The following CMYA5 variants were observed in gnomAD, a reference collection of about 807,000 sequenced individuals.
CMYA5 encodes the protein cardiomyopathy-associated protein 5.
Under a neutral mutation model 318.9 loss-of-function variants are expected in CMYA5, and 246 were observed. The ratio of observed to expected loss-of-function variants is 0.77; its 90% CI spans 0.70 to 0.86. CMYA5 has a LOEUF of 0.86. CMYA5 is among the 40% of genes least tolerant of loss of function. CMYA5 has a pLI of 0.00. For missense variants in CMYA5, 4,589 were observed against 4,678.2 expected (o/e 0.98, Z 0.56); for synonymous variants, 1,641 against 1,729.5 (o/e 0.95, Z 1.27).
At position 79,729,219 on chromosome 5, in the gene CMYA5, A is replaced by C; in HGVS notation, c.454A>C (p.Lys152Gln). 1 of 1,613,064 alleles carries C rather than the reference A, an allele frequency of 6.2e-7. No homozygotes were observed. Among genetic ancestry groups the C allele is most frequent in the African/African-American group, 1.3e-5 (1 of 74,976 alleles). ...ATCATTACGCCGGAAAGGCAACAGA[A>C]AAAGAAATTCTTTTGAATCCCAAGA... The part of the protein sequence containing the change: ...SPSLRRKGNR[K>Q]RNSFESQDVP... Residue 152 changes from lysine (K) to glutamine (Q), a missense_variant, in exon 2 of 13, where the codon AAA becomes CAA. By Grantham distance (53) the Lys-to-Gln change is moderately conservative. This residue lies in a region of CMYA5 where 2,132 missense variants were observed against 2,131.3 expected (regional missense o/e 1.00). Transcript: ENST00000446378.
At chr5:79,786,825 G>A (rs1829090676) in intron 9 of CMYA5, among the ~76,000 whole-genome samples, 1 of 152,092 alleles carries the variant, frequency 6.6e-6, no homozygotes, top group Non-Finnish European at 1.5e-5. Flanking sequence ...GCATAAGGTG[G>A]CAACTTGTAT....
intron 1 of CMYA5, among the ~76,000 whole-genome samples, chr5:79,721,388 CA>C (rs1322582455): frequency 1.3e-5 from 2 of 151,656 alleles, no homozygotes; most frequent in Non-Finnish European, 2.9e-5. Flanking sequence ...ATAGGTAGGA[CA>C]AATAGAAAAT....
At chr5:79,722,044 T>C (rs1175975840) in intron 1 of CMYA5, among the ~76,000 whole-genome samples, 1 of 152,202 alleles carries the variant, frequency 6.6e-6, no homozygotes, top group Non-Finnish European at 1.5e-5. Context: ...CCATAAACAT[T>C]TTTCTTAAAA....
In CMYA5 at chr5:79,732,214, C is replaced by A; in HGVS notation, c.3449C>A (p.Pro1150His). The change falls in exon 2 of 13, where the codon CCT becomes CAT. Residue 1150 changes from proline to histidine, a missense_variant. By Grantham distance (77) the Pro-to-His change is moderately conservative. Coordinates refer to ENST00000446378, the MANE Select transcript of CMYA5 (RefSeq NM_153610.5). ...REASSSVAAI[P>H]AALPAQSSIV... ...GCAAGTTCATCAGTAGCTGCAATAC[C>A]TGCTGCTTTACCTGCACAATCATCT... The A allele has an allele frequency of 6.2e-7, 1 of 1,613,888 alleles. No homozygotes were observed. Among genetic ancestry groups the A allele is most frequent in the Non-Finnish European group, 8.5e-7 (1 of 1,179,852 alleles).
chr5:79,746,547 T>TAAAAAA (rs11423461), intron 4 of CMYA5, among the ~76,000 whole-genome samples: 1 of 68,910 alleles, frequency 1.5e-5, no homozygotes, highest in Non-Finnish European at 2.8e-5. Flanking sequence ...GAGCAAACTG[T>TAAAAAA]AAAAAAAAAA....
At chr5:79,748,084 T>A (rs1460094486) in intron 5 of CMYA5, among the ~76,000 whole-genome samples, 1 of 152,228 alleles carries the variant, frequency 6.6e-6, no homozygotes, top group Non-Finnish European at 1.5e-5. Flanking sequence ...GAAAATAATT[T>A]GACTTATTGA....
chr5:79,737,217 C>CAGG lies in CMYA5; in HGVS notation c.8453_8454insGGA (p.Gln2818_Thr2819insGlu), dbSNP rs1561212676. The stretch of plus-strand genomic sequence containing the variant: ...ATATTTGCTGTCACCTGTAAAACCA[C>CAGG]AAACTCTTGCTTCAGGAGCTTCTCC... On this transcript the variant is annotated inframe_insertion, in exon 2 of 13. Transcript: ENST00000446378. 1 of 1,613,718 alleles carries CAGG rather than the reference C, an allele frequency of 6.2e-7. No individual in the cohort carries two copies. Among genetic ancestry groups the CAGG allele is most frequent in the South Asian group, 1.1e-5 (1 of 91,062 alleles).
intron 9 of CMYA5, among the ~76,000 whole-genome samples, chr5:79,766,730 C>CATCG (rs1828761288): frequency 6.6e-6 from 1 of 152,224 alleles, no homozygotes; most frequent in Admixed American, 6.5e-5. Context: ...AGGATTTTCA[C>CATCG]ATCGATGTTC....
At position 79,715,306 on chromosome 5, in the gene CMYA5, G is replaced by T. The variant is rs893509677; in HGVS notation, c.150-13609G>T. On this transcript the variant is annotated intron_variant, in intron 1 of 12. Coordinates refer to ENST00000446378, the MANE Select transcript of CMYA5 (RefSeq NM_153610.5). ...TTAATAATAATAATTTTTTTTTTCTGTGACAGAGTCTCGCTCTGTCACCCA... is the reference window on the plus strand; with the variant it reads ...TTAATAATAATAATTTTTTTTTTCTTTGACAGAGTCTCGCTCTGTCACCCA... 5.4e-4 allele frequency among the ~76,000 whole-genome samples: 78 copies of T among 144,516 alleles called. 1 individual carries two copies. Among genetic ancestry groups the T allele is most frequent in the Admixed American group, 2.1e-4 (3 of 14,580 alleles). The allele number at this position is 144,516 out of a possible 152,430, so 94.8% of individuals were successfully genotyped here.
At chr5:79,790,900 T>C in intron 10 of CMYA5, 70 bp from the exon 11 acceptor site, 1 of 1,003,942 alleles carries the variant, frequency 1.0e-6, no homozygotes, top group Non-Finnish European at 1.5e-6. Context: ...GTCTGAAATG[T>C]GGGGCTTAGC....
intron 9 of CMYA5, among the ~76,000 whole-genome samples, chr5:79,773,851 T>C (rs140122321): frequency 6.6e-5 from 10 of 152,254 alleles, no homozygotes; most frequent in African/African-American, 2.4e-4. Context: ...CAATCCCCGA[T>C]AAAACAAGCA....
At chr5:79,748,062 C>T (rs1227403705) in intron 5 of CMYA5, among the ~76,000 whole-genome samples, 2 of 151,944 alleles carry the variant, frequency 1.3e-5, no homozygotes, top group Non-Finnish European at 2.9e-5. Context: ...AGAATATTAC[C>T]AGTTAGTTTT....
At chr5:79,795,173 A>G (rs1395013205) in intron 12 of CMYA5, among the ~76,000 whole-genome samples, 4 of 152,136 alleles carry the variant, frequency 2.6e-5, no homozygotes, top group Middle Eastern at 3.2e-3. Flanking sequence ...TGGGTGCCAT[A>G]GATTCTGGGA....
At chr5:79,717,589 G>T (rs1181743019) in intron 1 of CMYA5, among the ~76,000 whole-genome samples, 1 of 152,128 alleles carries the variant, frequency 6.6e-6, no homozygotes, top group Non-Finnish European at 1.5e-5. Flanking sequence ...ATCAGCAAAG[G>T]CATGAAGAGT....
At chr5:79,728,889 A>G (rs747324834) in intron 1 of CMYA5, 26 bp from the exon 2 acceptor site, 49 of 1,047,266 alleles carry the variant, frequency 4.7e-5, no homozygotes, top group Non-Finnish European at 5.9e-5. Context: ...ATGATAATAT[A>G]TAATTAATAT....
chr5:79,777,875 A>T (rs919580044), intron 9 of CMYA5: 2 of 152,094 alleles, frequency 1.3e-5, no homozygotes, highest in Admixed American at 6.5e-5. Flanking sequence ...TAATTCCAGC[A>T]CTTTGGGAGG....
At chr5:79,748,616 C>T (rs780060058) in intron 5 of CMYA5, among the ~76,000 whole-genome samples, 1 of 152,080 alleles carries the variant, frequency 6.6e-6, no homozygotes, top group Non-Finnish European at 1.5e-5. Flanking sequence ...GATCTTGGCT[C>T]ACTGCAACCT....
Position 79,745,450 on chromosome 5 carries a change from C to T in CMYA5, c.10963C>T (p.Leu3655=). 2 of 1,612,842 alleles carry T rather than the reference C, an allele frequency of 1.2e-6. No homozygotes were observed. The highest frequency in any genetic ancestry group is 1.7e-6 in the Non-Finnish European group (2 of 1,178,930). ...EAEELDEAVF[L]TSFEEINERL... is the part of the protein sequence containing the mutation. ...AGAGGAGCTTGATGAGGCCGTCTTC[C>T]TGACTGTAAGTGCCAAGTAAAATGG... is the stretch of plus-strand genomic sequence containing the variant. Residue 3655 remains leucine, a synonymous_variant, in exon 4 of 13, where the codon CTG becomes TTG. Coordinates refer to ENST00000446378, the MANE Select transcript of CMYA5 (RefSeq NM_153610.5).
Position 79,733,113 on chromosome 5 carries a change from A to G in CMYA5, c.4348A>G (p.Ser1450Gly). The change falls in exon 2 of 13, where the codon AGT becomes GGT. Residue 1450 changes from serine (S) to glycine (G), a missense_variant. Transcript: ENST00000446378. ...GGAAATTAAATTTGATTCACTTCCAAGTGTCTCCTCTATAGCAGAGCATTC... is the reference window on the plus strand; with the variant it reads ...GGAAATTAAATTTGATTCACTTCCAGGTGTCTCCTCTATAGCAGAGCATTC... ...EKEIKFDSLP[S>G]VSSIAEHSVL... 6.2e-7 allele frequency: 1 copy of G among 1,613,780 alleles called. No individual in the cohort carries two copies.
Sources: allele counts gnomAD v4.1 joint callset (sites outside exome capture counted in the v4.1 genomes callset), GRCh38; gene constraint gnomAD v4.1.1; regional missense constraint gnomAD v4.1.1; transcripts MANE v1.5; gene names NCBI Gene and HGNC (gene_info 2026-07-23, HGNC 2026-07-21).